Variants in TTLL12 observed in about 807,000 individuals in gnomAD.
TTLL12 encodes tubulin--tyrosine ligase-like protein 12.
TTLL12 carries 77 observed loss-of-function variants against 79.6 expected under a neutral mutation model. That is an observed-to-expected ratio of 0.97 (90% CI 0.81 to 1.17). The LOEUF (loss-of-function observed/expected upper bound fraction) is 1.17. Ranked by LOEUF, TTLL12 falls within the 50% of genes most tolerant of loss-of-function variation. TTLL12 has a pLI of 0.00. For synonymous variants in TTLL12, 437 were observed against 376.1 expected, an observed-to-expected ratio of 1.16 and a Z score of -1.87; for missense variants, 969 against 895.9, an observed-to-expected ratio of 1.08 and a Z score of -1.04.
chr22:43,177,264 G>C (rs1050384831), intron 5 of TTLL12, among the ~76,000 whole-genome samples: 1 of 152,280 alleles, frequency 6.6e-6, no homozygotes, highest in East Asian at 1.9e-4. Flanking sequence ...AGCTACTCGG[G>C]AGGCTGAGGC....
rs1164483643 is a variant in TTLL12, at chr22:43,174,530, G to A, written c.1003C>T (p.Leu335Phe). 2 of 1,613,448 alleles carry A rather than the reference G, an allele frequency of 1.2e-6. No homozygotes were observed. Among genetic ancestry groups the A allele is most frequent in the African/African-American group, 2.7e-5 (2 of 75,070 alleles). Residue 335 changes from leucine (L) to phenylalanine (F), a missense_variant, in exon 7 of 14, where the codon CTC becomes TTC. Physicochemically the swap from Leu to Phe is conservative, Grantham distance 22. Transcript: ENST00000216129. Reference sequence around the variant, plus strand: ...TCCTTGAAGTGTGAGAAGTTGAAGAGGATGTCGGCGTCCGCCTCACTCTGG... The same window carrying A: ...TCCTTGAAGTGTGAGAAGTTGAAGAAGATGTCGGCGTCCGCCTCACTCTGG... ...LTQSEADADI[L>F]FNFSHFKDYR...
At chr22:43,168,937 C>A in intron 12 of TTLL12, 25 bp from the exon 13 acceptor site, 1 of 1,601,368 alleles carries the variant, frequency 6.2e-7, no homozygotes, top group Non-Finnish European at 8.5e-7. Flanking sequence ...GCCTGAGTTA[C>A]GAGGCCTGCT....
Position 43,173,712 on chromosome 22 carries a change from C to G in TTLL12, c.1341+3G>C. 6.2e-7 allele frequency: 1 copy of G among 1,600,506 alleles called. No homozygotes were observed. The highest frequency in any genetic ancestry group is 8.5e-7 in the Non-Finnish European group (1 of 1,179,660). On this transcript the variant is annotated splice_donor_region_variant and intron_variant, in intron 9 of 13. Transcript: ENST00000216129. ...CCTGGGGCTCCTGGTCTGCGGGGCC[C>G]ACCTTGGGGGTGCTCTCTCGGTGCC...
chr22:43,180,277 T>C (rs568496775), intron 3 of TTLL12, among the ~76,000 whole-genome samples: 24 of 152,126 alleles, frequency 1.6e-4, no homozygotes, highest in Admixed American at 1.2e-3. Context: ...GGGGTGTATA[T>C]GGGTTTGAGG....
At position 43,185,297 on chromosome 22, in the gene TTLL12, A is replaced by G. The variant is rs540004395; in HGVS notation, c.177+1596T>C. 3.2e-3 allele frequency among the ~76,000 whole-genome samples: 336 copies of G among 105,970 alleles called. 1 individual carries two copies. Among genetic ancestry groups the G allele is most frequent in the African/African-American group, 0.01 (262 of 26,146 alleles). 69.5% of individuals were successfully genotyped at this position (105,970 alleles called of 152,430 possible). On this transcript the variant is annotated intron_variant, in intron 1 of 13. Transcript: ENST00000216129. The stretch of plus-strand genomic sequence containing the variant: ...TATATATATATATATATATATATAT[A>G]TATGTATGTATCTTCAAGTTTCCCC...
At chr22:43,180,712 C>A (rs759392415) in intron 3 of TTLL12, 30 bp downstream of exon 3, 1 of 1,609,788 alleles carries the variant, frequency 6.2e-7, no homozygotes, top group Non-Finnish European at 8.5e-7. Flanking sequence ...GCCTGTCCTC[C>A]CCCTCCCCGG....
chr22:43,183,580 C>T (rs779223098), intron 1 of TTLL12, among the ~76,000 whole-genome samples: 1 of 152,226 alleles, frequency 6.6e-6, no homozygotes, highest in East Asian at 1.9e-4. Flanking sequence ...ACCCCAATGC[C>T]CCCCTCACCA....
intron 1 of TTLL12, 122 bp from the exon 2 acceptor site, chr22:43,183,271 C>A: frequency 8.1e-7 from 1 of 1,240,834 alleles, no homozygotes; most frequent in Non-Finnish European, 1.1e-6. Flanking sequence ...TTGTCTCCTT[C>A]AGAGGTGTGG....
chr22:43,178,469 C>T (rs948684834), intron 5 of TTLL12, among the ~76,000 whole-genome samples: 1 of 152,022 alleles, frequency 6.6e-6, no homozygotes, highest in African/African-American at 2.4e-5. Flanking sequence ...CTACAGGTGC[C>T]CGCCACCACG....
At chr22:43,171,495 C>T (rs899537930) in intron 11 of TTLL12, 6 of 270,438 alleles carry the variant, frequency 2.2e-5, no homozygotes, top group African/African-American at 4.3e-5. Context: ...TCTGCTTTTC[C>T]GGTTGAAGTG....
Position 43,168,920 on chromosome 22 carries a change from C to T in TTLL12, c.1645-8G>A. ...GGCCCGGAAGATCTCAGCCTGGGGA[C>T]CGGGGAGCCTGAGTTACGAGGCCTG... On this transcript the variant is annotated splice_polypyrimidine_tract_variant and splice_region_variant and intron_variant, in intron 12 of 13. Transcript: ENST00000216129. 2 of 1,607,128 alleles carry T rather than the reference C, an allele frequency of 1.2e-6. No individual in the cohort carries two copies. Among genetic ancestry groups the T allele is most frequent in the Non-Finnish European group, 1.7e-6 (2 of 1,176,670 alleles).
intron 2 of TTLL12, 61 bp from the exon 3 acceptor site, chr22:43,181,001 G>C: frequency 6.5e-7 from 1 of 1,544,558 alleles, no homozygotes. Context: ...GGAAGTCGGG[G>C]GAGCAAGAGG....
chr22:43,184,842 C>A (rs1265984195), intron 1 of TTLL12, among the ~76,000 whole-genome samples: 1 of 152,194 alleles, frequency 6.6e-6, no homozygotes. Flanking sequence ...TCACCACAAC[C>A]CCTTCATGGC....
Position 43,174,313 on chromosome 22 carries a change from C to A in TTLL12, c.1125G>T (p.Ala375=), listed in dbSNP as rs751925143. ...LTVKDCLASI[A]RRAGGPEGPP... ...GGCCCTCGGGGCCACCTGCCCGGCG[C>A]GCGATGGAGGCCAGGCAGTCCTTGA... Residue 375 remains alanine (A), a synonymous_variant, in exon 8 of 14, where the codon GCG becomes GCT. Coordinates refer to ENST00000216129, the MANE Select transcript of TTLL12 (RefSeq NM_015140.4). The A allele has an allele frequency of 6.2e-6, 10 of 1,610,238 alleles. No individual in the cohort carries two copies. Among genetic ancestry groups the A allele is most frequent in the East Asian group, 2.2e-5 (1 of 44,826 alleles).
intron 5 of TTLL12, among the ~76,000 whole-genome samples, chr22:43,178,393 C>G (rs1931969115): frequency 6.6e-6 from 1 of 151,688 alleles, no homozygotes; most frequent in Admixed American, 6.6e-5. Flanking sequence ...GCGATCTCGG[C>G]TCACTGCAAG....
In TTLL12 at chr22:43,171,829, A is replaced by T. The variant is rs1166958150; in HGVS notation, c.1565T>A (p.Val522Glu). The change falls in exon 11 of 14, where the codon GTG becomes GAG. Residue 522 changes from valine to glutamate, a missense_variant. Coordinates refer to ENST00000216129, the MANE Select transcript of TTLL12 (RefSeq NM_015140.4). ...FTVMNYDPDV[V>E]LKQVHCEEFI... is the part of the protein sequence containing the mutation. ...TCCCTCAGGCCCTACCTGCTTCAGCACCACATCCGGGTCATAGTTCATGAC... is the reference window on the plus strand; with the variant it reads ...TCCCTCAGGCCCTACCTGCTTCAGCTCCACATCCGGGTCATAGTTCATGAC... 6.2e-7 allele frequency: 1 copy of T among 1,614,042 alleles called. No individual in the cohort carries two copies. Among genetic ancestry groups the T allele is most frequent in the Admixed American group, 1.7e-5 (1 of 60,032 alleles).
intron 5 of TTLL12, among the ~76,000 whole-genome samples, chr22:43,177,497 A>G (rs976083540): frequency 4.6e-5 from 7 of 152,208 alleles, no homozygotes; most frequent in Non-Finnish European, 1.0e-4. Flanking sequence ...ATGAGCAGGA[A>G]AAAGGTGGAA....
intron 1 of TTLL12, among the ~76,000 whole-genome samples, 200 bp from the exon 2 acceptor site, chr22:43,183,349 G>A (rs1187297538): frequency 3.3e-5 from 5 of 152,290 alleles, no homozygotes; most frequent in East Asian, 3.9e-4. Flanking sequence ...TTTCAGGCTC[G>A]GAACAGGGAC....
chr22:43,171,302 T>C (rs1413962065), intron 11 of TTLL12, among the ~76,000 whole-genome samples: 1 of 152,194 alleles, frequency 6.6e-6, no homozygotes, highest in Non-Finnish European at 1.5e-5. Context: ...CAGATGCCCC[T>C]GAGCTCCAGG....
Sources: allele counts gnomAD v4.1 joint callset (sites outside exome capture counted in the v4.1 genomes callset), GRCh38; gene constraint gnomAD v4.1.1; transcripts MANE v1.5; gene names NCBI Gene and HGNC (gene_info 2026-07-23, HGNC 2026-07-21).